ERICH6B: variants seen among roughly 807,000 people sequenced by gnomAD.
The protein encoded by ERICH6B is glutamate-rich protein 6B.
Under a neutral mutation model 80.0 loss-of-function variants are expected in ERICH6B, and 69 were observed. The ratio of observed to expected loss-of-function variants is 0.86; its 90% CI spans 0.71 to 1.05. The LOEUF is 1.05. Ranked by LOEUF, ERICH6B falls within the 50% of genes least tolerant of loss-of-function variation. ERICH6B has a pLI of 0.00. For missense variants in ERICH6B, 754 were observed against 796.1 expected (o/e 0.95, Z 0.64); for synonymous variants, 283 against 291.9 (o/e 0.97, Z 0.31).
At chr13:45,546,650 A>G (rs1874004272) in intron 13 of ERICH6B, among the ~76,000 whole-genome samples, 1 of 152,128 alleles carries the variant, frequency 6.6e-6, no homozygotes, top group East Asian at 1.9e-4. Flanking sequence ...CATCTACCCT[A>G]GACTGCACTT....
At chr13:45,602,523 A>C (rs1257692223) in intron 2 of ERICH6B, among the ~76,000 whole-genome samples, 1 of 152,160 alleles carries the variant, frequency 6.6e-6, no homozygotes, top group African/African-American at 2.4e-5. Flanking sequence ...CAGGATGAAG[A>C]GTTCTACATG....
intron 11 of ERICH6B, chr13:45,551,446 T>A (rs1874219211): frequency 6.6e-6 from 1 of 152,150 alleles, no homozygotes; most frequent in Non-Finnish European, 1.5e-5. Flanking sequence ...CTCCTTCACA[T>A]CCTCCTCCTC....
Position 45,561,547 on chromosome 13 carries a change from T to C in ERICH6B, c.1250-21A>G, listed in dbSNP as rs573557995. The C allele has an allele frequency of 1.9e-6, 3 of 1,549,810 alleles. No individual in the cohort carries two copies. The East Asian group carries it at 7.3e-5, about 38-fold the overall frequency. Reference sequence around the variant, plus strand: ...TTGAGCTGCCATTCAATTCAACGATTGCATTGAATAAGATTTTGGTGGGAA... The same window carrying C: ...TTGAGCTGCCATTCAATTCAACGATCGCATTGAATAAGATTTTGGTGGGAA... On this transcript the variant is annotated intron_variant, in intron 10 of 14. Transcript: ENST00000298738.
chr13:45,589,493 C>T (rs989944674), intron 4 of ERICH6B, among the ~76,000 whole-genome samples: 23 of 152,242 alleles, frequency 1.5e-4, no homozygotes, highest in African/African-American at 2.2e-4. Flanking sequence ...GCCACTGTTC[C>T]GCCTCCCGCT....
intron 14 of ERICH6B, among the ~76,000 whole-genome samples, chr13:45,542,482 G>T (rs1873819040): frequency 6.6e-6 from 1 of 152,182 alleles, no homozygotes; most frequent in South Asian, 2.1e-4. Context: ...GTGCTGATTT[G>T]CTTCATTTGG....
Position 45,587,043 on chromosome 13 carries a change from CAG to C in ERICH6B, c.856+18_856+19del. The C allele has an allele frequency of 6.5e-7, 1 of 1,547,722 alleles. No homozygotes were observed. The highest frequency in any genetic ancestry group is 2.4e-5 in the East Asian group (1 of 40,868). On this transcript the variant is annotated intron_variant, in intron 5 of 14. Transcript: ENST00000298738. ...ACAGAGCCCGGCTGCGCCTCACCGA[CAG>C]AGCGCAGCTTCCCTCACCGGCAGTT...
intron 14 of ERICH6B, among the ~76,000 whole-genome samples, chr13:45,543,820 C>G (rs1205231679): frequency 6.6e-6 from 1 of 152,144 alleles, no homozygotes; most frequent in Non-Finnish European, 1.5e-5. Flanking sequence ...GATCATCTGT[C>G]TAGAGAAGAG....
intron 2 of ERICH6B, among the ~76,000 whole-genome samples, chr13:45,602,972 C>T (rs1420332519): frequency 6.6e-6 from 1 of 152,192 alleles, no homozygotes; most frequent in Non-Finnish European, 1.5e-5. Context: ...GAAGCCCCAC[C>T]ATCTGCCATC....
intron 11 of ERICH6B, among the ~76,000 whole-genome samples, chr13:45,553,551 G>A (rs1874310420): frequency 6.6e-6 from 1 of 152,120 alleles, no homozygotes; most frequent in African/African-American, 2.4e-5. Flanking sequence ...AACATACAGT[G>A]GCTGTTTCCT....
In ERICH6B at chr13:45,612,723, G is replaced by A. The variant is rs75448379; in HGVS notation, c.-111+2962C>T. Among the ~76,000 whole-genome samples, 693 of 152,274 alleles carry A rather than the reference G, an allele frequency of 4.6e-3. 5 individuals carry two copies. The highest frequency in any genetic ancestry group is 0.016 in the African/African-American group (666 of 41,540). On this transcript the variant is annotated intron_variant, in intron 1 of 14. Coordinates refer to ENST00000298738, the MANE Select transcript of ERICH6B (RefSeq NM_182542.3). ...TAAAGAATCAAGGGCAGCTGCCTTG[G>A]CTAGAGGGTCTGTGTTTTCACATGA...
chr13:45,613,171 C>T (rs1009831207), intron 1 of ERICH6B, among the ~76,000 whole-genome samples: 2 of 151,946 alleles, frequency 1.3e-5, no homozygotes, highest in African/African-American at 4.8e-5. Flanking sequence ...GCAGTGAGCC[C>T]CTCCTAATGA....
chr13:45,606,412 T>A (rs557414923), intron 2 of ERICH6B, among the ~76,000 whole-genome samples: 2 of 149,536 alleles, frequency 1.3e-5, no homozygotes, highest in African/African-American at 4.9e-5. Context: ...TCAGCAATTA[T>A]GAGCCATGTT....
chr13:45,579,560 T>C (rs1417493698), intron 7 of ERICH6B, among the ~76,000 whole-genome samples: 1 of 152,144 alleles, frequency 6.6e-6, no homozygotes. Context: ...CTCCACTTTA[T>C]CCATTACCAA....
At chr13:45,606,503 G>GTGTA (rs1949861317) in intron 2 of ERICH6B, among the ~76,000 whole-genome samples, 3 of 32,764 alleles carry the variant, frequency 9.2e-5, no homozygotes, top group Non-Finnish European at 1.5e-4. Flanking sequence ...AAAAGTGTAT[G>GTGTA]TGTATATATA....
chr13:45,563,925 G>A (rs2137979322), intron 9 of ERICH6B, 137 bp from the exon 10 acceptor site: 1 of 689,806 alleles, frequency 1.4e-6, no homozygotes, highest in African/African-American at 1.8e-5. Flanking sequence ...TTGCTTTCTA[G>A]GCCAGCTTTC....
intron 10 of ERICH6B, among the ~76,000 whole-genome samples, chr13:45,562,879 T>C (rs1220204182): frequency 6.6e-6 from 1 of 152,176 alleles, no homozygotes; most frequent in African/African-American, 2.4e-5. Context: ...GAATTGGTAC[T>C]GGGGGTAAGT....
In ERICH6B at chr13:45,544,792, G is replaced by A. The variant is rs867618281; in HGVS notation, c.1840C>T (p.Gln614Ter). Residue 614 changes from glutamine to a stop codon, truncating the protein, a stop_gained, in exon 14 of 15, where the codon CAG (glutamine) becomes TAG (stop). Transcript: ENST00000298738. LOFTEE classifies it low-confidence loss of function (END_TRUNC). ...CTGGTGCCCAGGTTTAAACAAATCT[G>A]CTTCTGTTCATAGGTGAAGCAGAAG... is the stretch of plus-strand genomic sequence containing the variant. The part of the protein sequence containing the change: ...IIFCFTYEQK[Q>*]ICLNLGTRYK... 9 of 1,551,582 alleles carry A rather than the reference G, an allele frequency of 5.8e-6. No homozygotes were observed. In the African/African-American group the frequency reaches 1.1e-4, roughly 19 times the overall value.
At chr13:45,591,362 T>C (rs1268400405) in intron 3 of ERICH6B, among the ~76,000 whole-genome samples, 3 of 152,150 alleles carry the variant, frequency 2.0e-5, no homozygotes, top group Non-Finnish European at 4.4e-5. Flanking sequence ...TGTGGGAGGC[T>C]GAGGCGGGCG....
At chr13:45,582,606 T>G (rs774134682) in intron 5 of ERICH6B, among the ~76,000 whole-genome samples, 1 of 152,196 alleles carries the variant, frequency 6.6e-6, no homozygotes, top group Admixed American at 6.5e-5. Flanking sequence ...TAAATCTGCA[T>G]CCAAGCCTAT....
Sources: gnomAD v4.1 joint callset for allele counts (sites outside exome capture counted in the v4.1 genomes callset) on GRCh38, gnomAD v4.1.1 for gene constraint, MANE v1.5 for transcripts, NCBI Gene and HGNC (gene_info 2026-07-23, HGNC 2026-07-21) for gene names.